Variants in CNBD1 observed in about 807,000 individuals in gnomAD.
CNBD1 encodes the protein cyclic nucleotide binding domain containing 1, also known as cyclic nucleotide-binding domain-containing protein 1.
A neutral mutation model predicts 54.4 loss-of-function variants in CNBD1; 71 were observed. The ratio of observed to expected loss-of-function variants is 1.30; its 90% CI spans 1.08 to 1.59. The LOEUF is 1.59. CNBD1 is among the 40% of genes most tolerant of loss of function. CNBD1 has a pLI of 0.00. For missense variants in CNBD1, 659 were observed against 518.0 expected, an observed-to-expected ratio of 1.27 and a Z score of -2.64; for synonymous variants, 182 against 170.7, an observed-to-expected ratio of 1.07 and a Z score of -0.51.
At chr8:87,061,863 C>T (rs1454931880) in intron 4 of CNBD1, among the ~76,000 whole-genome samples, 3 of 152,206 alleles carry the variant, frequency 2.0e-5, no homozygotes, top group African/African-American at 4.8e-5. Flanking sequence ...GCTTTCTCTG[C>T]AGGCGTCTCC....
At chr8:87,416,327 C>G (rs964077641) in intron 2 of CNBD1, among the ~76,000 whole-genome samples, 2 of 151,926 alleles carry the variant, frequency 1.3e-5, no homozygotes, top group African/African-American at 2.4e-5. Context: ...TGATAAGAAC[C>G]AATGTTTTCA....
At chr8:87,315,380 T>C (rs941315885) in intron 8 of CNBD1, among the ~76,000 whole-genome samples, 5 of 151,998 alleles carry the variant, frequency 3.3e-5, no homozygotes, top group Admixed American at 3.3e-4. Flanking sequence ...ATTTTAAAAA[T>C]AGAGATTTTT....
chr8:87,245,852 T>G (rs185713093), intron 6 of CNBD1, among the ~76,000 whole-genome samples: 1,753 of 152,178 alleles, frequency 0.012, 16 homozygotes, highest in Non-Finnish European at 0.019. Context: ...ATTCTTTTAT[T>G]ATTATGGATA....
At chr8:87,071,116 T>G (rs1586235872) in intron 4 of CNBD1, among the ~76,000 whole-genome samples, 1 of 152,210 alleles carries the variant, frequency 6.6e-6, no homozygotes, top group East Asian at 1.9e-4. Context: ...TGGTGGTTTT[T>G]GAACCAAAAT....
intron 2 of CNBD1, among the ~76,000 whole-genome samples, chr8:87,392,451 C>G (rs1364811499): frequency 6.6e-6 from 1 of 151,926 alleles, no homozygotes; most frequent in Non-Finnish European, 1.5e-5. Context: ...ATGTCATAAG[C>G]ATATTCTGGA....
At chr8:86,886,827 C>T (rs1386775932) in intron 1 of CNBD1, among the ~76,000 whole-genome samples, 2 of 152,124 alleles carry the variant, frequency 1.3e-5, no homozygotes, top group African/African-American at 4.8e-5. Context: ...TAATAGCACT[C>T]ATTCTTCTGC....
intron 10 of CNBD1, among the ~76,000 whole-genome samples, chr8:87,378,221 C>G (rs1299213585): frequency 7.1e-6 from 1 of 141,618 alleles, no homozygotes; most frequent in African/African-American, 2.7e-5. Context: ...GACATGAAGT[C>G]CTTGCCCATG....
intron 4 of CNBD1, among the ~76,000 whole-genome samples, chr8:86,997,557 T>G (rs1401964372): frequency 6.6e-6 from 1 of 152,196 alleles, no homozygotes; most frequent in Non-Finnish European, 1.5e-5. Flanking sequence ...ATATCACCTC[T>G]GAGGCTGTTT....
At chr8:87,160,617 T>C (rs1048466597) in intron 4 of CNBD1, among the ~76,000 whole-genome samples, 6 of 152,232 alleles carry the variant, frequency 3.9e-5, no homozygotes, top group African/African-American at 1.2e-4. Flanking sequence ...AGATAGTCTT[T>C]GAGGAAGACT....
At chr8:87,144,598 G>T (rs1428031053) in intron 4 of CNBD1, among the ~76,000 whole-genome samples, 1 of 152,272 alleles carries the variant, frequency 6.6e-6, no homozygotes, top group East Asian at 1.9e-4. Flanking sequence ...GAGGCAGGTG[G>T]ATCACCTGAG....
At chr8:87,021,675 G>A (rs537274721) in intron 4 of CNBD1, among the ~76,000 whole-genome samples, 4 of 152,170 alleles carry the variant, frequency 2.6e-5, no homozygotes, top group Admixed American at 2.0e-4. Context: ...TAGGGTAGAG[G>A]CCAGATGCTG....
intron 4 of CNBD1, among the ~76,000 whole-genome samples, chr8:86,968,934 T>C (rs910447795): frequency 6.6e-6 from 1 of 152,158 alleles, no homozygotes; most frequent in Non-Finnish European, 1.5e-5. Flanking sequence ...AAGGTGAAAT[T>C]CAGCAGAACT....
chr8:87,351,253 C>T (rs1810284971), intron 8 of CNBD1, among the ~76,000 whole-genome samples: 1 of 152,094 alleles, frequency 6.6e-6, no homozygotes, highest in Admixed American at 6.6e-5. Flanking sequence ...GTTAGTACAG[C>T]CCAAGATATA....
intron 3 of CNBD1, among the ~76,000 whole-genome samples, chr8:86,938,003 A>G (rs1446931202): frequency 6.6e-6 from 1 of 152,184 alleles, no homozygotes; most frequent in East Asian, 1.9e-4. Context: ...TTGTGAATAC[A>G]TAAAGCTGAA....
intron 4 of CNBD1, among the ~76,000 whole-genome samples, chr8:87,090,009 G>A (rs189802434): frequency 8.3e-4 from 126 of 152,162 alleles, no homozygotes; most frequent in African/African-American, 2.8e-3. Context: ...AATGTAAAAA[G>A]AGTACACCTT....
At chr8:86,969,520 G>A (rs1468227597) in intron 4 of CNBD1, among the ~76,000 whole-genome samples, 1 of 151,982 alleles carries the variant, frequency 6.6e-6, no homozygotes, top group Non-Finnish European at 1.5e-5. Flanking sequence ...TGGTACTACT[G>A]TTAAGCTTTT....
intron 4 of CNBD1, among the ~76,000 whole-genome samples, chr8:87,155,140 A>T (rs544341845): frequency 6.6e-6 from 1 of 152,158 alleles, no homozygotes; most frequent in Non-Finnish European, 1.5e-5. Flanking sequence ...AATATTTCCA[A>T]CATAGTTTCA....
At chr8:87,383,166 G>T (rs10102047), downstream of CNBD1, among the ~76,000 whole-genome samples, 4 of 151,754 alleles carry the variant, frequency 2.6e-5, no homozygotes, top group South Asian at 8.3e-4. Flanking sequence ...ATTCCATTTT[G>T]TAATAAAGTC....
chr8:87,333,813 T>C (rs763552993), intron 8 of CNBD1, among the ~76,000 whole-genome samples: 10 of 152,166 alleles, frequency 6.6e-5, no homozygotes, highest in African/African-American at 1.4e-4. Context: ...ATCAGGGATA[T>C]TGGCCTGAAG....
Sources: allele counts gnomAD v4.1 joint callset (sites outside exome capture counted in the v4.1 genomes callset), GRCh38; gene constraint gnomAD v4.1.1; transcripts MANE v1.5; gene names NCBI Gene and HGNC (gene_info 2026-07-23, HGNC 2026-07-21).